The following SEMA4F variants were observed in gnomAD, a reference collection of about 807,000 sequenced individuals.
SEMA4F encodes the protein ssemaphorin 4F.
SEMA4F carries 51 observed loss-of-function variants against 78.4 expected under a neutral mutation model. The observed-to-expected ratio is 0.65, with a 90% CI of 0.52 to 0.82. The LOEUF is 0.82. Ranked by LOEUF, SEMA4F falls within the 40% of genes least tolerant of loss-of-function variation. The probability of loss-of-function intolerance (pLI) is 0.00; values close to 1 mark genes in which losing one functional copy is unlikely to be tolerated. For synonymous variants in SEMA4F, 418 were observed against 408.7 expected (o/e 1.02, Z -0.27); for missense variants, 938 against 1,014.4 (o/e 0.92, Z 1.02).
At chr2:74,660,697 C>A (rs1684383459) in intron 4 of SEMA4F, among the ~76,000 whole-genome samples, 2 of 152,212 alleles carry the variant, frequency 1.3e-5, no homozygotes, top group South Asian at 4.1e-4. Context: ...CATAACCTAT[C>A]TAGTTAATAG....
At chr2:74,671,509 C>T (rs140014146) in intron 5 of SEMA4F, among the ~76,000 whole-genome samples, 2 of 152,368 alleles carry the variant, frequency 1.3e-5, no homozygotes, top group Non-Finnish European at 2.9e-5. Flanking sequence ...TGGCCTCTGA[C>T]TGGATCTTCT....
downstream of SEMA4F, among the ~76,000 whole-genome samples, chr2:74,685,831 A>G (rs550529356): frequency 1.1e-4 from 17 of 152,328 alleles, no homozygotes; most frequent in South Asian, 3.3e-3. Context: ...AAGGGCGAAT[A>G]TCCAGGATCT....
rs1266774063 is a variant in SEMA4F, at chr2:74,682,919, TAA to T, written c.*2711_*2712del. ...TGAAATTACTCAAACTAGCCAATCC[TAA>T]GTCTGCCTACCCTGCCTCAGTCATT... On this transcript the variant is annotated 3_prime_UTR_variant, in exon 14 of 14. Transcript: ENST00000357877. 6.6e-6 allele frequency: 1 copy of T among 152,288 alleles called. No individual in the cohort carries two copies. Among genetic ancestry groups the T allele is most frequent in the Non-Finnish European group, 1.5e-5 (1 of 68,142 alleles). 9.4% of individuals were successfully genotyped at this position (152,288 alleles called of 1,614,324 possible). A position where few individuals can be genotyped will look rare whatever the true frequency, so the allele number is the denominator to read the frequency against.
Position 74,654,368 on chromosome 2 carries a change from G to C in SEMA4F, c.-9G>C. The C allele has an allele frequency of 6.7e-7, 1 of 1,492,864 alleles. No individual in the cohort carries two copies. 92.5% of individuals were successfully genotyped at this position (1,492,864 alleles called of 1,614,324 possible). ...CTTGCGCCGCACCCGCGGCCAGGCG[G>C]AGCCAAAGATGCCGGCCTCTGCTGC... On this transcript the variant is annotated 5_prime_UTR_variant, in exon 1 of 14. Coordinates refer to ENST00000357877, the MANE Select transcript of SEMA4F (RefSeq NM_004263.5).
the SEMA4F span, among the ~76,000 whole-genome samples, chr2:74,697,964 C>T: frequency 4.6e-5 from 7 of 152,276 alleles, no homozygotes; most frequent in African/African-American, 1.7e-4. Flanking sequence ...AGTTCACTCA[C>T]AGGCAGCAAG....
At chr2:74,705,963 CT>C in the SEMA4F span, among the ~76,000 whole-genome samples, 4 of 150,670 alleles carry the variant, frequency 2.7e-5, no homozygotes, top group Non-Finnish European at 5.9e-5. Context: ...ATTTTCTTTT[CT>C]TTTTTTTTGT....
chr2:74,706,539 T>C, the SEMA4F span, among the ~76,000 whole-genome samples: 1 of 152,072 alleles, frequency 6.6e-6, no homozygotes, highest in Admixed American at 6.5e-5. Flanking sequence ...GAATCAGCAA[T>C]TGAGGCTAGA....
the SEMA4F span, among the ~76,000 whole-genome samples, chr2:74,696,185 CTTTTTTTT>C: frequency 4.6e-5 from 5 of 109,008 alleles, no homozygotes; most frequent in Admixed American, 2.9e-4. Flanking sequence ...TCTCCTGCCT[CTTTTTTTT>C]TTTTTTTTTT....
At chr2:74,704,705 C>A in the SEMA4F span, among the ~76,000 whole-genome samples, 1 of 152,140 alleles carries the variant, frequency 6.6e-6, no homozygotes, top group Non-Finnish European at 1.5e-5. Context: ...GCTGGATTCA[C>A]ACTTAGCCAG....
At chr2:74,695,848 C>T in the SEMA4F span, among the ~76,000 whole-genome samples, 3 of 152,188 alleles carry the variant, frequency 2.0e-5, no homozygotes, top group African/African-American at 7.2e-5. Flanking sequence ...AAACTTGATA[C>T]TGTCTGTACA....
chr2:74,657,025 A>G (rs1684185951), intron 2 of SEMA4F, among the ~76,000 whole-genome samples: 1 of 152,188 alleles, frequency 6.6e-6, no homozygotes, highest in Non-Finnish European at 1.5e-5. Context: ...TATTAGAACT[A>G]TACAGTTTGA....
At chr2:74,676,008 T>G in intron 12 of SEMA4F, 99 bp downstream of exon 12, 1 of 1,353,386 alleles carries the variant, frequency 7.4e-7, no homozygotes, top group Non-Finnish European at 9.9e-7. Flanking sequence ...TGCCGGAGGC[T>G]GTTTTCTTTT....
chr2:74,677,331 C>T (rs868113279), intron 12 of SEMA4F, among the ~76,000 whole-genome samples: 3 of 152,214 alleles, frequency 2.0e-5, no homozygotes, highest in Non-Finnish European at 4.4e-5. Flanking sequence ...AATCTTGCCT[C>T]ATCAGTACGT....
Position 74,679,609 on chromosome 2 carries a change from A to G in SEMA4F, c.1713A>G (p.Val571=). 1 of 1,602,126 alleles carries G rather than the reference A, an allele frequency of 6.2e-7. No individual in the cohort carries two copies. The highest frequency in any genetic ancestry group is 2.2e-5 in the East Asian group (1 of 44,620). ...LCPKEPGERP[V]VFEVPVATAA... is the part of the protein sequence containing the mutation. ...TGCTGTTTCTCACAGAACGTCCAGT[A>G]GTGTTTGAAGTTCCCGTGGCTACAG... The change falls in exon 14 of 14, where the codon GTA becomes GTG. Residue 571 remains valine, a synonymous_variant. Coordinates refer to ENST00000357877, the MANE Select transcript of SEMA4F (RefSeq NM_004263.5).
chr2:74,684,671 G>C (rs1685776015), downstream of SEMA4F, among the ~76,000 whole-genome samples: 2 of 152,162 alleles, frequency 1.3e-5, no homozygotes, highest in Non-Finnish European at 2.9e-5. Flanking sequence ...TGTGCCTAAA[G>C]TATGGCCACA....
chr2:74,670,086 C>T (rs758769517), intron 5 of SEMA4F, among the ~76,000 whole-genome samples: 3 of 152,152 alleles, frequency 2.0e-5, no homozygotes, highest in Non-Finnish European at 4.4e-5. Flanking sequence ...TTTTGCACAT[C>T]ATCTTTTGCC....
At chr2:74,667,796 G>T (rs1228682977) in intron 5 of SEMA4F, among the ~76,000 whole-genome samples, 1 of 152,070 alleles carries the variant, frequency 6.6e-6, no homozygotes, top group African/African-American at 2.4e-5. Context: ...AGTTCCTTAG[G>T]CTTCTACCTA....
chr2:74,657,248 A>T (rs917823649), intron 2 of SEMA4F, among the ~76,000 whole-genome samples: 1 of 152,258 alleles, frequency 6.6e-6, no homozygotes, highest in African/African-American at 2.4e-5. Context: ...ATTTCAGATA[A>T]GGGATGCTCA....
chr2:74,680,202 C>A lies in SEMA4F; in HGVS notation c.2306C>A (p.Ser769Tyr). 1 of 1,564,466 alleles carries A rather than the reference C, an allele frequency of 6.4e-7. No homozygotes were observed. The highest frequency in any genetic ancestry group is 8.7e-7 in the Non-Finnish European group (1 of 1,150,772). ...GAPLATCDETSI is the reference protein window; with the variant it reads ...GAPLATCDETYI Reference sequence around the variant, plus strand: ...CCTCTAGCCACATGTGATGAAACATCCATCTAGAGCTGGGCAAATGACCAC... The same window carrying A: ...CCTCTAGCCACATGTGATGAAACATACATCTAGAGCTGGGCAAATGACCAC... Residue 769 changes from serine to tyrosine, a missense_variant, in exon 14 of 14, where the codon TCC becomes TAC. Transcript: ENST00000357877.
Sources: allele counts gnomAD v4.1 joint callset (sites outside exome capture counted in the v4.1 genomes callset), GRCh38; gene constraint gnomAD v4.1.1; transcripts MANE v1.5; gene names NCBI Gene and HGNC (gene_info 2026-07-23, HGNC 2026-07-21).